The following METTL8 variants were observed in gnomAD, a reference collection of about 807,000 sequenced individuals.
METTL8 encodes tRNA N(3)-cytidine methyltransferase METTL8, mitochondrial.
In METTL8, 32 loss-of-function variants were observed where a neutral mutation model predicts 48.7. The ratio of observed to expected loss-of-function variants is 0.66; its 90% CI spans 0.50 to 0.88. The LOEUF is 0.88. Ranked by LOEUF, METTL8 falls within the 40% of genes least tolerant of loss-of-function variation. The pLI is 0.00. For synonymous variants in METTL8, 136 were observed against 157.1 expected (o/e 0.87, Z 1.01); for missense variants, 464 against 474.4 (o/e 0.98, Z 0.20).
intron 7 of METTL8, among the ~76,000 whole-genome samples, chr2:171,329,162 A>C (rs2105393349): frequency 7.0e-6 from 1 of 143,498 alleles, no homozygotes; most frequent in East Asian, 2.1e-4. Flanking sequence ...CAGGAGGCAG[A>C]GGTTTCACAG....
intron 1 of METTL8, among the ~76,000 whole-genome samples, chr2:171,432,628 A>C (rs1398834317): frequency 6.6e-6 from 1 of 152,216 alleles, no homozygotes; most frequent in Non-Finnish European, 1.5e-5. Context: ...AAATATACAA[A>C]GCACTCTACC....
At chr2:171,330,747 CGG>C in intron 6 of METTL8, 49 bp from the exon 7 acceptor site, 1 of 1,481,354 alleles carries the variant, frequency 6.8e-7, no homozygotes, top group Non-Finnish European at 9.0e-7. Flanking sequence ...AGTAGACTTC[CGG>C]GATTTTTTTT....
intron 6 of METTL8, among the ~76,000 whole-genome samples, chr2:171,331,401 G>A (rs1172471201): frequency 6.7e-6 from 1 of 149,024 alleles, no homozygotes; most frequent in Non-Finnish European, 1.5e-5. Context: ...GAGCCACCAT[G>A]CCTGGCGCTG....
At chr2:171,372,956 G>C (rs1223992362) in intron 2 of METTL8, among the ~76,000 whole-genome samples, 1 of 152,150 alleles carries the variant, frequency 6.6e-6, no homozygotes, top group Non-Finnish European at 1.5e-5. Context: ...GTGTGCATGT[G>C]TCTTTATAGC....
chr2:171,434,410 C>A, upstream of METTL8: 3 of 1,198,186 alleles, frequency 2.5e-6, no homozygotes, highest in Non-Finnish European at 3.6e-6. Flanking sequence ...TGCTTTCCCT[C>A]GCCCCGCCGT....
At chr2:171,391,461 CA>C (rs1192487028) in intron 2 of METTL8, among the ~76,000 whole-genome samples, 13 of 152,198 alleles carry the variant, frequency 8.5e-5, no homozygotes, top group Non-Finnish European at 1.5e-4. Context: ...TATGCCCAAA[CA>C]GAAGTGTTTT....
chr2:171,363,630 T>C (rs898060891), intron 2 of METTL8, among the ~76,000 whole-genome samples: 4 of 150,704 alleles, frequency 2.7e-5, no homozygotes, highest in African/African-American at 4.9e-5. Context: ...AAATATAATA[T>C]TAATAGCAAA....
chr2:171,428,688 G>C (rs1692666347), intron 1 of METTL8, among the ~76,000 whole-genome samples: 2 of 152,048 alleles, frequency 1.3e-5, no homozygotes, highest in African/African-American at 4.8e-5. Context: ...CTAGTATAGT[G>C]CCACAACAGT....
intron 3 of METTL8, among the ~76,000 whole-genome samples, chr2:171,341,834 TACACACAC>T (rs56145145): frequency 0.027 from 3,922 of 147,288 alleles, 76 homozygotes; most frequent in Middle Eastern, 0.059. Context: ...AATATTCATG[TACACACAC>T]ACACACACAC....
rs1185654485 is a variant in METTL8, at chr2:171,324,161, T to C, written c.*11A>G. 5.2e-6 allele frequency: 8 copies of C among 1,530,976 alleles called. No individual in the cohort carries two copies. Among genetic ancestry groups the C allele is most frequent in the Middle Eastern group, 4.5e-4 (2 of 4,470 alleles). The allele number at this position is 1,530,976 out of a possible 1,614,324, so 94.8% of individuals were successfully genotyped here. On this transcript the variant is annotated 3_prime_UTR_variant, in exon 10 of 10. Coordinates refer to ENST00000375258, the MANE Select transcript of METTL8 (RefSeq NM_001321154.2). Reference sequence around the variant, plus strand: ...AGTCCTCTGGCTTTGTACCTTAACATGTTACAAAGTTCAGTCTTGTGAAAG... The same window carrying C: ...AGTCCTCTGGCTTTGTACCTTAACACGTTACAAAGTTCAGTCTTGTGAAAG...
intron 3 of METTL8, among the ~76,000 whole-genome samples, chr2:171,355,041 C>T (rs190039007): frequency 2.6e-5 from 4 of 152,164 alleles, no homozygotes; most frequent in African/African-American, 4.8e-5. Context: ...GGAGAAGAGG[C>T]GCTCTGATTT....
intron 1 of METTL8, among the ~76,000 whole-genome samples, chr2:171,408,008 G>C (rs1018058622): frequency 6.6e-6 from 1 of 152,154 alleles, no homozygotes; most frequent in East Asian, 1.9e-4. Flanking sequence ...TTTATAATGA[G>C]AGTTGCAATT....
chr2:171,339,300 C>T lies in METTL8; in HGVS notation c.490G>A (p.Glu164Lys). The change falls in exon 4 of 10, where the codon GAA (glutamate) becomes AAA (lysine). Residue 164 changes from glutamate (E) to lysine (K), a missense_variant. By Grantham distance (56) the Glu-to-Lys change is moderately conservative (BLOSUM62 1). Transcript: ENST00000375258. The part of the protein sequence containing the change: ...NHYEKSSGSS[E>K]GQSKTESDFS... ...TCAGATTCTGTTTTGCTTTGACCTT[C>T]TGAAGAACCAGAACTTTTCTCATAA... The T allele has an allele frequency of 6.2e-7, 1 of 1,613,142 alleles. No homozygotes were observed. The highest frequency in any genetic ancestry group is 1.3e-5 in the African/African-American group (1 of 75,012).
rs1262601391 is a variant in METTL8 at position 171,433,922 on chromosome 2, C to T, written c.-52G>A. The T allele has an allele frequency of 5.3e-6, 1 of 188,742 alleles. No homozygotes were observed. Among genetic ancestry groups the T allele is most frequent in the Non-Finnish European group, 1.1e-5 (1 of 90,818 alleles). 11.7% of individuals were successfully genotyped at this position (188,742 alleles called of 1,614,324 possible). A position where few individuals can be genotyped will look rare whatever the true frequency, so the allele number is the denominator to read the frequency against. ...GCTGCTTTGGGGGGATCGCCCTCGA[C>T]ACAGCGCCCCTCCCGGCACCTGGCC... On this transcript the variant is annotated 5_prime_UTR_variant, in exon 1 of 10. Coordinates refer to ENST00000375258, the MANE Select transcript of METTL8 (RefSeq NM_001321154.2).
intron 3 of METTL8, among the ~76,000 whole-genome samples, chr2:171,341,832 T>G (rs968479504): frequency 2.6e-5 from 3 of 114,392 alleles, no homozygotes; most frequent in Admixed American, 8.3e-5. Flanking sequence ...GAAATATTCA[T>G]GTACACACAC....
At chr2:171,409,615 C>A (rs1371505814) in intron 1 of METTL8, among the ~76,000 whole-genome samples, 1 of 152,070 alleles carries the variant, frequency 6.6e-6, no homozygotes, top group Non-Finnish European at 1.5e-5. Context: ...GTAGACACGG[C>A]ATAGATGGGG....
chr2:171,428,863 T>C (rs904490066), intron 1 of METTL8, among the ~76,000 whole-genome samples: 2 of 152,028 alleles, frequency 1.3e-5, no homozygotes, highest in Admixed American at 1.3e-4. Context: ...TAAAGGCACA[T>C]TGGCTTGAGA....
At chr2:171,326,690 T>G (rs780838840) in intron 7 of METTL8, among the ~76,000 whole-genome samples, 1 of 151,140 alleles carries the variant, frequency 6.6e-6, no homozygotes, top group Non-Finnish European at 1.5e-5. Context: ...GGCCATAAAA[T>G]TCTATGTCCT....
intron 1 of METTL8, among the ~76,000 whole-genome samples, chr2:171,405,892 G>C (rs1052958732): frequency 6.6e-6 from 1 of 152,104 alleles, no homozygotes; most frequent in African/African-American, 2.4e-5. Context: ...GAAGTAAGAG[G>C]CTGTAAGGTA....
Sources: gnomAD v4.1 joint callset for allele counts (sites outside exome capture counted in the v4.1 genomes callset) on GRCh38, gnomAD v4.1.1 for gene constraint, MANE v1.5 for transcripts, NCBI Gene and HGNC (gene_info 2026-07-23, HGNC 2026-07-21) for gene names.